Variants in LRRC1 observed in about 807,000 individuals in gnomAD.
LRRC1 encodes the protein leucine rich repeat containing 1, also known as leucine-rich repeat-containing protein 1.
In LRRC1, 28 loss-of-function variants were observed where a neutral mutation model predicts 69.9. That is an observed-to-expected ratio of 0.40 (90% CI 0.30 to 0.55). LRRC1 has a LOEUF of 0.55. Among genes scored for constraint, LRRC1 ranks in the 20% least tolerant of loss-of-function variants. LRRC1 has a pLI of 0.47. For synonymous variants in LRRC1, 236 were observed against 240.2 expected (o/e 0.98, Z 0.16); for missense variants, 498 against 609.0 (o/e 0.82, Z 1.92).
chr6:53,797,795 T>C (rs1194602076), intron 1 of LRRC1, among the ~76,000 whole-genome samples: 2 of 152,238 alleles, frequency 1.3e-5, no homozygotes, highest in Non-Finnish European at 2.9e-5. Flanking sequence ...ATCTTCCTTT[T>C]ACAAATTCAG....
intron 2 of LRRC1, 33 bp from the exon 3 acceptor site, chr6:53,878,960 G>A (rs1450965321): frequency 1.4e-6 from 2 of 1,381,366 alleles, no homozygotes; most frequent in Admixed American, 1.7e-5. Context: ...TAATAATGGT[G>A]GCAAATTATA....
intron 4 of LRRC1, among the ~76,000 whole-genome samples, chr6:53,883,781 G>A (rs868436576): frequency 6.6e-6 from 1 of 152,256 alleles, no homozygotes; most frequent in Middle Eastern, 3.4e-3. Flanking sequence ...GATTTTCCTT[G>A]TTTGTACCTG....
intron 10 of LRRC1, among the ~76,000 whole-genome samples, chr6:53,906,405 G>A (rs1278721837): frequency 1.3e-5 from 2 of 152,206 alleles, no homozygotes; most frequent in Non-Finnish European, 2.9e-5. Flanking sequence ...CATTTTAGGT[G>A]TTCTTTCAAG....
rs115620346 is a variant in LRRC1 at position 53,898,930 on chromosome 6, G to T, written c.643-817G>T. The stretch of plus-strand genomic sequence containing the variant: ...AGAAGGTGGTCCAATTATAGGACGA[G>T]AACTGGCTGTGTTTCAGGAAGGAAA... On this transcript the variant is annotated intron_variant, in intron 7 of 13. Transcript: ENST00000370888. 1.4e-3 allele frequency among the ~76,000 whole-genome samples: 213 copies of T among 152,316 alleles called. 1 individual carries two copies. Among genetic ancestry groups the T allele is most frequent in the Non-Finnish European group, 2.6e-3 (176 of 68,032 alleles).
At chr6:53,830,770 G>C (rs1012795732) in intron 1 of LRRC1, among the ~76,000 whole-genome samples, 1 of 151,584 alleles carries the variant, frequency 6.6e-6, no homozygotes, top group Non-Finnish European at 1.5e-5. Flanking sequence ...TATACAATTA[G>C]GTTGGTTAGG....
chr6:53,803,658 C>T (rs1267092629), intron 1 of LRRC1, among the ~76,000 whole-genome samples: 2 of 151,630 alleles, frequency 1.3e-5, no homozygotes, highest in African/African-American at 2.4e-5. Flanking sequence ...AAAATTTTTC[C>T]CTCCTCATTA....
At chr6:53,803,011 T>C (rs1764530827) in intron 1 of LRRC1, among the ~76,000 whole-genome samples, 1 of 152,162 alleles carries the variant, frequency 6.6e-6, no homozygotes, top group Admixed American at 6.5e-5. Flanking sequence ...CCAGTTCCCT[T>C]TTCCTGGGGC....
intron 1 of LRRC1, among the ~76,000 whole-genome samples, chr6:53,813,536 G>GTTTTTTTT (rs373976626): frequency 1.6e-5 from 2 of 123,682 alleles, no homozygotes; most frequent in South Asian, 2.7e-4. Context: ...TGGCTCAGTG[G>GTTTTTTTT]TTTTTTTTTT....
At chr6:53,868,530 T>C (rs1426482199) in intron 2 of LRRC1, among the ~76,000 whole-genome samples, 1 of 152,182 alleles carries the variant, frequency 6.6e-6, no homozygotes, top group Non-Finnish European at 1.5e-5. Context: ...CCAGCCAATA[T>C]GATGCTACTC....
intron 12 of LRRC1, among the ~76,000 whole-genome samples, chr6:53,920,318 TA>T (rs1768698460): frequency 6.6e-6 from 1 of 152,260 alleles, no homozygotes; most frequent in Admixed American, 6.5e-5. Flanking sequence ...AAAGGGACTC[TA>T]AATTATGACA....
At chr6:53,816,016 A>G (rs977106883) in intron 1 of LRRC1, among the ~76,000 whole-genome samples, 3 of 152,176 alleles carry the variant, frequency 2.0e-5, no homozygotes, top group Admixed American at 6.5e-5. Flanking sequence ...TTGAAGTGGA[A>G]TAACTCTGCA....
At chr6:53,892,619 T>C (rs1030753261) in intron 4 of LRRC1, among the ~76,000 whole-genome samples, 2 of 152,206 alleles carry the variant, frequency 1.3e-5, no homozygotes, top group African/African-American at 4.8e-5. Flanking sequence ...AGGGACTTGA[T>C]TGAAGATACT....
chr6:53,796,541 CAAGTGTT>C (rs1764307870), intron 1 of LRRC1, among the ~76,000 whole-genome samples: 1 of 152,210 alleles, frequency 6.6e-6, no homozygotes, highest in African/African-American at 2.4e-5. Flanking sequence ...AAACACTAGT[CAAGTGTT>C]CTGACTTGTT....
At chr6:53,896,714 C>A in intron 5 of LRRC1, 115 bp from the exon 6 acceptor site, 1 of 977,428 alleles carries the variant, frequency 1.0e-6, no homozygotes, top group Non-Finnish European at 1.6e-6. Context: ...GCAATATTTT[C>A]TACCATAAAA....
chr6:53,806,861 A>T (rs1443841830), intron 1 of LRRC1, among the ~76,000 whole-genome samples: 1 of 152,000 alleles, frequency 6.6e-6, no homozygotes, highest in Non-Finnish European at 1.5e-5. Context: ...TCACTCCCTC[A>T]CCCCCAACAA....
intron 1 of LRRC1, among the ~76,000 whole-genome samples, chr6:53,832,545 A>G (rs182503478): frequency 1.3e-5 from 2 of 152,332 alleles, no homozygotes; most frequent in African/African-American, 4.8e-5. Flanking sequence ...GCACATCAAA[A>G]TATAAAAAAC....
At chr6:53,871,688 A>G (rs1766888865) in intron 2 of LRRC1, among the ~76,000 whole-genome samples, 1 of 151,964 alleles carries the variant, frequency 6.6e-6, no homozygotes, top group African/African-American at 2.4e-5. Flanking sequence ...GTTTTTTGAG[A>G]CGGACTTTTG....
chr6:53,838,689 T>A (rs544821571), intron 1 of LRRC1, among the ~76,000 whole-genome samples: 1 of 152,350 alleles, frequency 6.6e-6, no homozygotes, highest in South Asian at 2.1e-4. Flanking sequence ...TTGTGCTGGC[T>A]GATGCTTTAG....
chr6:53,895,563 T>C, intron 4 of LRRC1, among the ~76,000 whole-genome samples: 1 of 145,380 alleles, frequency 6.9e-6, no homozygotes, highest in South Asian at 2.1e-4. Flanking sequence ...TGGATGTTAC[T>C]ATGGTGATAT....
Sources: gnomAD v4.1 joint callset for allele counts (sites outside exome capture counted in the v4.1 genomes callset) on GRCh38, gnomAD v4.1.1 for gene constraint, MANE v1.5 for transcripts, NCBI Gene and HGNC (gene_info 2026-07-23, HGNC 2026-07-21) for gene names.